ZBP1: variants seen among roughly 807,000 people sequenced by gnomAD.
The protein encoded by ZBP1 is Z-DNA-binding protein 1.
Under a neutral mutation model 41.1 loss-of-function variants are expected in ZBP1, and 42 were observed. The observed-to-expected ratio is 1.02, with a 90% CI of 0.80 to 1.32. ZBP1 has a LOEUF of 1.32. Among genes scored for constraint, ZBP1 ranks in the 40% most tolerant of loss-of-function variants. The pLI, the probability that ZBP1 is intolerant of heterozygous loss-of-function variation, is 0.00. For synonymous variants in ZBP1, 214 were observed against 205.2 expected, an observed-to-expected ratio of 1.04 and a Z score of -0.37; for missense variants, 562 against 549.7, an observed-to-expected ratio of 1.02 and a Z score of -0.22.
intron 3 of ZBP1, 55 bp from the exon 4 acceptor site, chr20:57,615,115 C>T: frequency 6.3e-7 from 1 of 1,586,818 alleles, no homozygotes; most frequent in African/African-American, 1.3e-5. Flanking sequence ...TTGCATCTGC[C>T]CCACCGCTTC....
chr20:57,614,319 C>G (rs1171462308), intron 4 of ZBP1, among the ~76,000 whole-genome samples: 6 of 152,168 alleles, frequency 3.9e-5, no homozygotes, highest in Non-Finnish European at 8.8e-5. Context: ...GCGTGAGCAA[C>G]CGTGCCTGGC....
intron 1 of ZBP1, chr20:57,617,563 A>G (rs1244627965): frequency 6.6e-6 from 1 of 152,478 alleles, no homozygotes. Context: ...GAATGAATGA[A>G]TGAATGAATG....
At chr20:57,619,554 G>A (rs1197073775) in intron 1 of ZBP1, among the ~76,000 whole-genome samples, 1 of 152,192 alleles carries the variant, frequency 6.6e-6, no homozygotes. Flanking sequence ...GTTGAGGAAA[G>A]GATGCAACAA....
rs574600129 is a variant in ZBP1, at chr20:57,610,629, G to A, written c.875-262C>T. On this transcript the variant is annotated intron_variant, in intron 6 of 7. Transcript: ENST00000371173. The surrounding 1 kb of genome is among the most constrained non-coding windows in gnomAD (Gnocchi z 5.5). Reference sequence around the variant, plus strand: ...CTGATCCCGCCCGGCTGATCTGGACGTCAGTGTCTTCCTCTGGGATTCAGC... The same window carrying A: ...CTGATCCCGCCCGGCTGATCTGGACATCAGTGTCTTCCTCTGGGATTCAGC... 5.1e-5 allele frequency: 28 copies of A among 548,606 alleles called. No homozygotes were observed. Among genetic ancestry groups the A allele is most frequent in the East Asian group, 4.4e-4 (14 of 32,008 alleles). 34.0% of individuals were successfully genotyped at this position (548,606 alleles called of 1,614,324 possible).
rs144192634 is a variant in ZBP1 at position 57,619,107 on chromosome 20, G to A, written c.34+1155C>T. Among the ~76,000 whole-genome samples, 660 of 152,356 alleles carry A rather than the reference G, an allele frequency of 4.3e-3. 6 individuals carry two copies. The highest frequency in any genetic ancestry group is 0.015 in the African/African-American group (618 of 41,590). ...GAAAATCAACTGGGGAGGAAGACAA[G>A]AAAAGCCAGCGAGGGCTGAGTCCGG... On this transcript the variant is annotated intron_variant, in intron 1 of 7. Transcript: ENST00000371173.
At position 57,610,424 on chromosome 20, in the gene ZBP1, A is replaced by G; in HGVS notation, c.875-57T>C. The G allele has an allele frequency of 1.9e-6, 3 of 1,581,040 alleles. No homozygotes were observed. Among genetic ancestry groups the G allele is most frequent in the Admixed American group, 1.7e-5 (1 of 59,624 alleles). On this transcript the variant is annotated intron_variant, in intron 6 of 7. Transcript: ENST00000371173. The surrounding 1 kb of genome is among the most constrained non-coding windows in gnomAD (Gnocchi z 5.5). The stretch of plus-strand genomic sequence containing the variant: ...AGGAGCAGCTGGACAGTGGCCGGGA[A>G]CCCTGACCCCCAGCCTGGTTCACCC...
chr20:57,610,613 C>T lies in ZBP1; in HGVS notation c.875-246G>A. 1.8e-6 allele frequency: 1 copy of T among 570,750 alleles called. No individual in the cohort carries two copies. Among genetic ancestry groups the T allele is most frequent in the South Asian group, 2.1e-5 (1 of 48,678 alleles). 35.4% of individuals were successfully genotyped at this position (570,750 alleles called of 1,614,324 possible). ...CAGTGGGTCTGCCCCACTGATCCCG[C>T]CCGGCTGATCTGGACGTCAGTGTCT... is the stretch of plus-strand genomic sequence containing the variant. On this transcript the variant is annotated intron_variant, in intron 6 of 7. Coordinates refer to ENST00000371173, the MANE Select transcript of ZBP1 (RefSeq NM_030776.3). The surrounding 1 kb of genome is among the most constrained non-coding windows in gnomAD (Gnocchi z 5.5).
chr20:57,619,135 C>T (rs747556067), intron 1 of ZBP1, among the ~76,000 whole-genome samples: 1 of 152,244 alleles, frequency 6.6e-6, no homozygotes, highest in African/African-American at 2.4e-5. Flanking sequence ...GAGTCCGGAA[C>T]CTGCGTCAGC....
intron 7 of ZBP1, among the ~76,000 whole-genome samples, chr20:57,609,227 C>T (rs1242100152): frequency 6.6e-6 from 1 of 152,228 alleles, no homozygotes; most frequent in African/African-American, 2.4e-5. Context: ...CTGCCCAACT[C>T]TCCAGCTGCC....
At chr20:57,612,635 G>A (rs1054862647) in intron 5 of ZBP1, among the ~76,000 whole-genome samples, 4 of 152,164 alleles carry the variant, frequency 2.6e-5, no homozygotes, top group Non-Finnish European at 4.4e-5. Flanking sequence ...CACAGTGCCC[G>A]GCACAGGGTA....
At position 57,613,104 on chromosome 20, in the gene ZBP1, C is replaced by T. The variant is rs923710077; in HGVS notation, c.670+59G>A. Reference sequence around the variant, plus strand: ...CCCATCCCTACCCTTTGCCCCCACCCAGAGGATCCGGTGGCTCCCCACCGA... The same window carrying T: ...CCCATCCCTACCCTTTGCCCCCACCTAGAGGATCCGGTGGCTCCCCACCGA... On this transcript the variant is annotated intron_variant, in intron 5 of 7. Transcript: ENST00000371173. The surrounding 1 kb of genome is among the most constrained non-coding windows in gnomAD (Gnocchi z 4.5). 2 of 1,606,522 alleles carry T rather than the reference C, an allele frequency of 1.2e-6. No homozygotes were observed. Among genetic ancestry groups the T allele is most frequent in the African/African-American group, 2.7e-5 (2 of 74,640 alleles).
intron 1 of ZBP1, chr20:57,616,748 A>T: frequency 2.1e-6 from 1 of 482,256 alleles, no homozygotes; most frequent in Non-Finnish European, 3.8e-6. Context: ...TGTGGGTTCC[A>T]GAGGGCAGTG....
Position 57,615,588 on chromosome 20 carries a change from A to G in ZBP1, c.260-8T>C. ...GTTGCTGGGGCCTCTCGGCTGCAGAAAGAAAGATGGGTCAGAGGGGTGGGG... is the reference window on the plus strand; with the variant it reads ...GTTGCTGGGGCCTCTCGGCTGCAGAGAGAAAGATGGGTCAGAGGGGTGGGG... On this transcript the variant is annotated splice_region_variant and splice_polypyrimidine_tract_variant and intron_variant, in intron 2 of 7. Transcript: ENST00000371173. The G allele has an allele frequency of 6.2e-7, 1 of 1,611,766 alleles. No individual in the cohort carries two copies.
chr20:57,611,080 A>G (rs1021253693), intron 6 of ZBP1, among the ~76,000 whole-genome samples: 2 of 152,096 alleles, frequency 1.3e-5, no homozygotes, highest in Non-Finnish European at 2.9e-5. Flanking sequence ...CACAGCTCCT[A>G]GTACGGCACC....
At chr20:57,616,199 A>T (rs1860445881) in intron 2 of ZBP1, 45 bp downstream of exon 2, 1 of 1,573,718 alleles carries the variant, frequency 6.4e-7, no homozygotes. Flanking sequence ...CATTGCCAGG[A>T]TGCTCCCTGC....
chr20:57,612,889 T>C (rs762369810), intron 5 of ZBP1: 5 of 1,328,302 alleles, frequency 3.8e-6, no homozygotes, highest in Non-Finnish European at 4.8e-6. Flanking sequence ...AGATACCCCA[T>C]CTTAATTTTA....
rs200125075 is a variant in ZBP1, at chr20:57,613,164, G to A, written c.669C>T (p.Asp223=). 8.1e-5 allele frequency: 130 copies of A among 1,613,982 alleles called. 3 individuals are homozygous for A. The Middle Eastern group carries it at 1.3e-3, about 16-fold the overall frequency. Residue 223 remains aspartate, a splice_region_variant and synonymous_variant, in exon 5 of 8, where the codon GAC becomes GAT. Transcript: ENST00000371173. This position sits in a 1 kb window ranked among gnomAD's most constrained non-coding sequence, Gnocchi z 4.5. ...CCTGGGCTCTCTTGGGTGACTTACC[G>A]TCCTCCCTGGAGACTGTCTGTCTTG... ...IITRQTVSRE[D]GSAGPRHLPS... is the part of the protein sequence containing the mutation.
At position 57,612,064 on chromosome 20, in the gene ZBP1, T is replaced by C. The variant is rs138510618; in HGVS notation, c.671-134A>G. Reference sequence around the variant, plus strand: ...ACTGGCGGCCAAAGACTTCAGGCTCTGGCTTAGAGAGCAAGAGGACCTGGC... The same window carrying C: ...ACTGGCGGCCAAAGACTTCAGGCTCCGGCTTAGAGAGCAAGAGGACCTGGC... On this transcript the variant is annotated intron_variant, in intron 5 of 7. Coordinates refer to ENST00000371173, the MANE Select transcript of ZBP1 (RefSeq NM_030776.3). 1,263 of 991,144 alleles carry C rather than the reference T, an allele frequency of 1.3e-3. 11 individuals carry two copies. In the African/African-American group the frequency reaches 0.018, roughly 14 times the overall value. 61.4% of individuals were successfully genotyped at this position (991,144 alleles called of 1,614,324 possible). A position where few individuals can be genotyped will look rare whatever the true frequency, so the allele number is the denominator to read the frequency against.
At chr20:57,606,936 A>G in intron 7 of ZBP1, 11 of 1,161,584 alleles carry the variant, frequency 9.5e-6, no homozygotes, top group Non-Finnish European at 1.1e-5. Context: ...CTCGTTGACA[A>G]TGCACCTGTT....
Sources: allele counts gnomAD v4.1 joint callset (sites outside exome capture counted in the v4.1 genomes callset), GRCh38; gene constraint gnomAD v4.1.1; non-coding constraint Gnocchi (gnomAD v3.1); transcripts MANE v1.5; gene names NCBI Gene and HGNC (gene_info 2026-07-23, HGNC 2026-07-21).